Variants in FSTL4 observed in about 807,000 individuals in gnomAD.
FSTL4 encodes the protein follistatin like 4.
FSTL4 carries 28 observed loss-of-function variants against 78.2 expected under a neutral mutation model. The ratio of observed to expected loss-of-function variants is 0.36; its 90% CI spans 0.27 to 0.49. The LOEUF is 0.49. FSTL4 is among the 20% of genes least tolerant of loss of function. The pLI is 0.98. For missense variants in FSTL4, 922 were observed against 1,084.9 expected, an observed-to-expected ratio of 0.85 and a Z score of 2.11; for synonymous variants, 422 against 440.5, an observed-to-expected ratio of 0.96 and a Z score of 0.53.
intron 3 of FSTL4, among the ~76,000 whole-genome samples, chr5:133,564,978 C>T (rs1341499002): frequency 6.6e-6 from 1 of 152,148 alleles, no homozygotes; most frequent in South Asian, 2.1e-4. Context: ...CCATTTGTGG[C>T]CCTAAACCTT....
At chr5:133,688,909 C>T in the FSTL4 span, among the ~76,000 whole-genome samples, 1 of 152,214 alleles carries the variant, frequency 6.6e-6, no homozygotes, top group Admixed American at 6.5e-5. Context: ...CCTGGAGAAA[C>T]AAAGTCCTGT....
intron 3 of FSTL4, among the ~76,000 whole-genome samples, chr5:133,491,605 T>C (rs1268755349): frequency 2.0e-5 from 3 of 152,076 alleles, no homozygotes; most frequent in African/African-American, 7.2e-5. Context: ...GGTTTCACCA[T>C]GTTAACCAGG....
chr5:133,384,686 C>T (rs1275424665), intron 4 of FSTL4, among the ~76,000 whole-genome samples: 1 of 152,178 alleles, frequency 6.6e-6, no homozygotes, highest in African/African-American at 2.4e-5. Context: ...GTCACTCTGT[C>T]CCAAGGGCAA....
the FSTL4 span, among the ~76,000 whole-genome samples, chr5:133,774,140 T>G: frequency 6.6e-6 from 1 of 152,098 alleles, no homozygotes; most frequent in Admixed American, 6.6e-5. Context: ...AAAAGAATAG[T>G]TGGAAATCAG....
intron 3 of FSTL4, among the ~76,000 whole-genome samples, chr5:133,424,243 G>A (rs561774756): frequency 6.6e-6 from 1 of 152,298 alleles, no homozygotes; most frequent in South Asian, 2.1e-4. Context: ...GAGTGATTCT[G>A]CTGCGCGGGT....
intron 2 of FSTL4, among the ~76,000 whole-genome samples, chr5:133,577,415 G>A (rs940624519): frequency 6.6e-6 from 1 of 152,192 alleles, no homozygotes; most frequent in African/African-American, 2.4e-5. Flanking sequence ...GGGTTAGAGA[G>A]AGGTGTGTGT....
intron 3 of FSTL4, among the ~76,000 whole-genome samples, chr5:133,523,027 C>A (rs1032762879): frequency 6.6e-6 from 1 of 151,860 alleles, no homozygotes; most frequent in Non-Finnish European, 1.5e-5. Flanking sequence ...AAATCCTAAC[C>A]CCAGTGTTAC....
At chr5:133,450,402 AG>A (rs1434986001) in intron 3 of FSTL4, among the ~76,000 whole-genome samples, 1 of 152,152 alleles carries the variant, frequency 6.6e-6, no homozygotes, top group Non-Finnish European at 1.5e-5. Context: ...TGGCTGGGGG[AG>A]GCTATGGGCT....
the FSTL4 span, among the ~76,000 whole-genome samples, chr5:133,814,298 G>A: frequency 1.6e-4 from 25 of 152,296 alleles, no homozygotes; most frequent in East Asian, 2.5e-3. Context: ...GAGGTTGCAC[G>A]GAAGCCACGT....
chr5:133,347,579 G>A (rs1450395228), intron 4 of FSTL4, among the ~76,000 whole-genome samples: 2 of 152,088 alleles, frequency 1.3e-5, no homozygotes, highest in Non-Finnish European at 2.9e-5. Flanking sequence ...GGCTGGTCTC[G>A]AATTTCTGAC....
At chr5:133,698,882 G>A in the FSTL4 span, among the ~76,000 whole-genome samples, 80 of 152,354 alleles carry the variant, frequency 5.3e-4, no homozygotes, top group Middle Eastern at 3.4e-3. Context: ...TCCCTCAAAG[G>A]AGACAGACCC....
chr5:133,276,918 C>T (rs1305285541), intron 6 of FSTL4, among the ~76,000 whole-genome samples: 1 of 152,130 alleles, frequency 6.6e-6, no homozygotes. Flanking sequence ...ATCTCACAGA[C>T]ATAGTTTGAA....
At chr5:133,415,670 G>A (rs977950652) in intron 3 of FSTL4, among the ~76,000 whole-genome samples, 2 of 152,158 alleles carry the variant, frequency 1.3e-5, no homozygotes, top group African/African-American at 2.4e-5. Context: ...GTCGGTCTCC[G>A]GTAGCAGCTG....
chr5:133,813,413 C>T, the FSTL4 span, among the ~76,000 whole-genome samples: 8 of 152,170 alleles, frequency 5.3e-5, no homozygotes, highest in African/African-American at 1.9e-4. Flanking sequence ...ACTTTATACA[C>T]ATTGAACATC....
At chr5:133,703,799 A>G in the FSTL4 span, among the ~76,000 whole-genome samples, 1 of 152,202 alleles carries the variant, frequency 6.6e-6, no homozygotes. Flanking sequence ...TGCAAAGCCT[A>G]GTGAACCTCC....
chr5:133,203,393 C>T (rs1237810394), intron 14 of FSTL4, among the ~76,000 whole-genome samples: 1 of 152,150 alleles, frequency 6.6e-6, no homozygotes, highest in Non-Finnish European at 1.5e-5. Flanking sequence ...TGCCTTCTGG[C>T]TTTTACTTTT....
chr5:133,342,620 G>T (rs1365515612), intron 4 of FSTL4, among the ~76,000 whole-genome samples: 1 of 152,198 alleles, frequency 6.6e-6, no homozygotes, highest in African/African-American at 2.4e-5. Flanking sequence ...TGGACGTCCA[G>T]CCTGAATCAG....
At chr5:133,674,677 C>T in the FSTL4 span, among the ~76,000 whole-genome samples, 8 of 151,968 alleles carry the variant, frequency 5.3e-5, no homozygotes, top group Admixed American at 5.2e-4. Context: ...TTTGGTTCTG[C>T]TCCCTGGGGA....
chr5:133,201,303 C>T lies in FSTL4; in HGVS notation c.1826+630G>A, dbSNP rs148319215. ...ACTGACCATGCTGGGCCGAGGTCTG[C>T]AGTTGAGGCCATGGCTCTTATTATT... is the stretch of plus-strand genomic sequence containing the variant. On this transcript the variant is annotated intron_variant, in intron 15 of 15. Coordinates refer to ENST00000265342, the MANE Select transcript of FSTL4 (RefSeq NM_015082.2). Among the ~76,000 whole-genome samples, 78 of 152,222 alleles carry T rather than the reference C, an allele frequency of 5.1e-4. 1 individual carries two copies. The East Asian group carries it at 0.012, about 24-fold the overall frequency.
Sources: allele counts gnomAD v4.1 joint callset (sites outside exome capture counted in the v4.1 genomes callset), GRCh38; gene constraint gnomAD v4.1.1; transcripts MANE v1.5; gene names NCBI Gene and HGNC (gene_info 2026-07-23, HGNC 2026-07-21).